SLC4A4: variants seen among roughly 807,000 people sequenced by gnomAD.
SLC4A4 encodes the protein solute carrier family 4 member 4, also known as electrogenic sodium bicarbonate cotransporter 1.
SLC4A4 carries 27 observed loss-of-function variants against 111.5 expected under a neutral mutation model. The ratio of observed to expected loss-of-function variants is 0.24; its 90% confidence interval spans 0.18 to 0.33. SLC4A4 has a LOEUF of 0.33. SLC4A4 is among the 10% of genes least tolerant of loss of function. The pLI is 1.00. For synonymous variants in SLC4A4, 443 were observed against 463.4 expected (o/e 0.96, Z 0.57); for missense variants, 909 against 1,315.5 (o/e 0.69, Z 4.78).
chr4:71,088,363 G>T lies in SLC4A4; in HGVS notation c.-64-4367G>T, dbSNP rs1260184878. On this transcript the variant is annotated intron_variant, in intron 1 of 26. Coordinates refer to the SLC4A4 transcript ENST00000649996. ...TGGGTCTTGACTCTTTATCCAATTT[G>T]CCAGTCTGTGTCTTTTAATTGGAGC... Among the ~76,000 whole-genome samples, 5 of 151,644 alleles carry T rather than the reference G, an allele frequency of 3.3e-5. No individual in the cohort carries two copies. In the East Asian group the frequency reaches 5.8e-4, roughly 18 times the overall value.
chr4:71,208,443 A>ATATATAT (rs1414116507), intron 1 of SLC4A4, among the ~76,000 whole-genome samples: 29 of 144,836 alleles, frequency 2.0e-4, no homozygotes, highest in African/African-American at 7.4e-4. Context: ...AAAAAAAAAA[A>ATATATAT]ATATATATAT....
chr4:71,343,492 C>T (rs1448755906), intron 4 of SLC4A4, among the ~76,000 whole-genome samples: 1 of 152,210 alleles, frequency 6.6e-6, no homozygotes, highest in Non-Finnish European at 1.5e-5. Flanking sequence ...CAGATCTACT[C>T]TTCCTAAAGA....
intron 1 of SLC4A4, among the ~76,000 whole-genome samples, chr4:71,073,135 T>C (rs959471823): frequency 6.6e-5 from 10 of 152,166 alleles, no homozygotes; most frequent in Admixed American, 6.5e-4. Flanking sequence ...GTTTGTATAT[T>C]AACTTTGTAA....
intron 6 of SLC4A4, among the ~76,000 whole-genome samples, chr4:71,368,084 A>G (rs1349570863): frequency 6.6e-6 from 1 of 151,978 alleles, no homozygotes; most frequent in Non-Finnish European, 1.5e-5. Context: ...GATATTTCCA[A>G]CCTCGTTGTG....
intron 1 of SLC4A4, among the ~76,000 whole-genome samples, chr4:71,210,232 C>A (rs545246199): frequency 6.6e-6 from 1 of 152,288 alleles, no homozygotes; most frequent in African/African-American, 2.4e-5. Flanking sequence ...TTTGGGCAAG[C>A]AGGAGCTGCA....
chr4:71,278,602 A>G (rs531827934), intron 3 of SLC4A4, among the ~76,000 whole-genome samples: 1 of 152,048 alleles, frequency 6.6e-6, no homozygotes, highest in Admixed American at 6.5e-5. Flanking sequence ...ATCAACACCC[A>G]CCTCTTGTCT....
chr4:71,293,777 T>C (rs1724568719), intron 3 of SLC4A4, among the ~76,000 whole-genome samples: 3 of 152,164 alleles, frequency 2.0e-5, no homozygotes, highest in Admixed American at 1.3e-4. Context: ...AAGTTTGGGA[T>C]AACTATTTTT....
intron 3 of SLC4A4, among the ~76,000 whole-genome samples, chr4:71,308,382 G>A (rs1008888662): frequency 3.9e-5 from 6 of 152,282 alleles, no homozygotes; most frequent in African/African-American, 1.4e-4. Context: ...GCACTATAGT[G>A]TGCACAGTTA....
intron 1 of SLC4A4, among the ~76,000 whole-genome samples, chr4:71,084,492 G>T (rs187713258): frequency 5.2e-4 from 79 of 152,034 alleles, no homozygotes; most frequent in African/African-American, 1.9e-3. Flanking sequence ...CCATGTTGGT[G>T]TGCTGCACCC....
At chr4:71,095,251 C>A (rs147564193) in intron 2 of SLC4A4, among the ~76,000 whole-genome samples, 1 of 152,286 alleles carries the variant, frequency 6.6e-6, no homozygotes, top group African/African-American at 2.4e-5. Context: ...TGGAAAAGAT[C>A]AATGGGGAGA....
At chr4:71,293,902 C>A (rs1724579498) in intron 3 of SLC4A4, among the ~76,000 whole-genome samples, 1 of 152,184 alleles carries the variant, frequency 6.6e-6, no homozygotes, top group African/African-American at 2.4e-5. Context: ...GAGCTGTCAT[C>A]TCACTGTGAA....
intron 2 of SLC4A4, among the ~76,000 whole-genome samples, chr4:71,237,536 C>T (rs904926180): frequency 6.6e-6 from 1 of 152,054 alleles, no homozygotes; most frequent in African/African-American, 2.4e-5. Flanking sequence ...AGATTCTGAC[C>T]TGACCGGTGC....
rs572065739 is a variant in SLC4A4, at chr4:71,206,250, A to G, written c.-2+18849A>G. 3.3e-5 allele frequency among the ~76,000 whole-genome samples: 5 copies of G among 151,696 alleles called. No homozygotes were observed. The South Asian group carries it at 6.3e-4, about 19-fold the overall frequency. On this transcript the variant is annotated intron_variant, in intron 1 of 25. Coordinates refer to ENST00000264485, the MANE Select transcript of SLC4A4 (RefSeq NM_001098484.3). ...TTGGAATATAAGAGAATCATTAAATATGGAAAACAAGACCAAAAGACTAGG... is the reference window on the plus strand; with the variant it reads ...TTGGAATATAAGAGAATCATTAAATGTGGAAAACAAGACCAAAAGACTAGG...
At chr4:71,404,949 C>T (rs1720708037) in intron 7 of SLC4A4, among the ~76,000 whole-genome samples, 1 of 151,908 alleles carries the variant, frequency 6.6e-6, no homozygotes, top group African/African-American at 2.4e-5. Flanking sequence ...GTGCACACCA[C>T]CATACCCAGC....
rs769075809 is a variant in SLC4A4, at chr4:71,300,527, C to T, written c.254-38843C>T. 3 of 247,492 alleles carry T rather than the reference C, an allele frequency of 1.2e-5. No individual in the cohort carries two copies. The Admixed American group carries it at 1.3e-4, about 10-fold the overall frequency. 15.3% of individuals were successfully genotyped at this position (247,492 alleles called of 1,614,324 possible). The stretch of plus-strand genomic sequence containing the variant: ...AGGAGGCCTGGGCCGGGGCCACTAG[C>T]GGCATGCAGATCTAGATTCAGGAGC... On this transcript the variant is annotated intron_variant, in intron 3 of 25. Coordinates refer to ENST00000264485, the MANE Select transcript of SLC4A4 (RefSeq NM_001098484.3).
At chr4:71,142,433 TCAA>T (rs898634021) in intron 2 of SLC4A4, among the ~76,000 whole-genome samples, 18 of 152,310 alleles carry the variant, frequency 1.2e-4, no homozygotes, top group South Asian at 4.1e-4. Context: ...GCATTCAAAC[TCAA>T]CTATGGCTTT....
upstream of SLC4A4, among the ~76,000 whole-genome samples, chr4:71,186,221 T>C (rs1021314672): frequency 6.6e-6 from 1 of 152,206 alleles, no homozygotes. Flanking sequence ...GCTGTTTTCC[T>C]AACTCCCAAG....
intron 2 of SLC4A4, among the ~76,000 whole-genome samples, chr4:71,106,861 C>T (rs1437746388): frequency 6.8e-6 from 1 of 148,054 alleles, no homozygotes; most frequent in Non-Finnish European, 1.5e-5. Flanking sequence ...CAGCATGGCA[C>T]ATGTATACAT....
intron 7 of SLC4A4, among the ~76,000 whole-genome samples, chr4:71,408,076 G>A (rs1163988107): frequency 6.6e-6 from 1 of 152,028 alleles, no homozygotes; most frequent in Admixed American, 6.6e-5. Context: ...TTATTAATAA[G>A]CTAAGATATA....
Sources: gnomAD v4.1 joint callset for allele counts (sites outside exome capture counted in the v4.1 genomes callset) on GRCh38, gnomAD v4.1.1 for gene constraint, MANE v1.5 for transcripts, NCBI Gene and HGNC (gene_info 2026-07-23, HGNC 2026-07-21) for gene names.